The following KHDRBS2 variants were observed in gnomAD, a reference collection of about 807,000 sequenced individuals.
The protein encoded by KHDRBS2 is KH domain-containing, RNA-binding, signal transduction-associated protein 2.
A neutral mutation model predicts 44.3 loss-of-function variants in KHDRBS2; 26 were observed. The observed-to-expected ratio is 0.59, with a 90% CI of 0.43 to 0.81. The LOEUF (loss-of-function observed/expected upper bound fraction) is 0.81, where lower values mean the gene tolerates loss of function less well. Ranked by LOEUF, KHDRBS2 falls within the 40% of genes least tolerant of loss-of-function variation. The probability of loss-of-function intolerance (pLI) is 0.00; values close to 1 mark genes in which losing one functional copy is unlikely to be tolerated. For synonymous variants in KHDRBS2, 194 were observed against 151.1 expected (o/e 1.28, Z -2.08); for missense variants, 476 against 433.1 (o/e 1.10, Z -0.88).
Position 61,680,954 on chromosome 6 carries a change from G to T in KHDRBS2, c.*9C>A. 6.3e-7 allele frequency: 1 copy of T among 1,581,420 alleles called. No individual in the cohort carries two copies. Among genetic ancestry groups the T allele is most frequent in the Non-Finnish European group, 8.7e-7 (1 of 1,152,402 alleles). The stretch of plus-strand genomic sequence containing the variant: ...GTCTTTGAGGTGAGGTCACAGGTGG[G>T]AAGGACCTTCAATATCTACCATAGG... On this transcript the variant is annotated 3_prime_UTR_variant, in exon 9 of 9. Transcript: ENST00000281156.
At chr6:62,072,657 A>G (rs983499254) in intron 2 of KHDRBS2, among the ~76,000 whole-genome samples, 18 of 152,124 alleles carry the variant, frequency 1.2e-4, no homozygotes, top group Non-Finnish European at 2.4e-4. Context: ...TGATTTGCAT[A>G]TGTTGAACCA....
At chr6:62,000,846 T>C (rs1778103618) in intron 3 of KHDRBS2, among the ~76,000 whole-genome samples, 1 of 152,214 alleles carries the variant, frequency 6.6e-6, no homozygotes, top group African/African-American at 2.4e-5. Flanking sequence ...TGGAAAAGTA[T>C]GGTCCTTCAA....
In KHDRBS2 at chr6:62,285,975, C is replaced by A. The variant is rs375353000; in HGVS notation, c.-27G>T. 6.9e-5 allele frequency: 102 copies of A among 1,479,258 alleles called. No individual in the cohort carries two copies. The highest frequency in any genetic ancestry group is 9.4e-5 in the Non-Finnish European group (100 of 1,062,398). The allele number at this position is 1,479,258 out of a possible 1,614,324, so 91.6% of individuals were successfully genotyped here. A position where few individuals can be genotyped will look rare whatever the true frequency, so the allele number is the denominator to read the frequency against. ...GCGCGGACTTCGGATTGTCCCCGGG[C>A]GAAGCGCGAGGTTCCGCTCGCTCGG... is the stretch of plus-strand genomic sequence containing the variant. On this transcript the variant is annotated 5_prime_UTR_variant, in exon 1 of 9. Transcript: ENST00000281156.
chr6:61,823,486 G>T (rs1319628897), intron 6 of KHDRBS2, among the ~76,000 whole-genome samples: 1 of 152,048 alleles, frequency 6.6e-6, no homozygotes, highest in Non-Finnish European at 1.5e-5. Context: ...GATGGTTAAA[G>T]ACATAGTCTA....
intron 2 of KHDRBS2, among the ~76,000 whole-genome samples, chr6:62,092,593 A>G (rs1295455901): frequency 6.6e-6 from 1 of 152,168 alleles, no homozygotes. Context: ...GACTTAAGTA[A>G]AAATAATATT....
intron 6 of KHDRBS2, among the ~76,000 whole-genome samples, chr6:61,878,385 T>C (rs1430602298): frequency 6.6e-6 from 1 of 152,090 alleles, no homozygotes; most frequent in Non-Finnish European, 1.5e-5. Flanking sequence ...ACTTTGTTTT[T>C]ATATGTTCAC....
At chr6:62,073,409 A>G (rs1411478315) in intron 2 of KHDRBS2, among the ~76,000 whole-genome samples, 2 of 151,286 alleles carry the variant, frequency 1.3e-5, no homozygotes. Flanking sequence ...CTAATGTCCC[A>G]GTTTCATTTT....
At chr6:61,824,550 G>C (rs1790536197) in intron 6 of KHDRBS2, among the ~76,000 whole-genome samples, 1 of 152,096 alleles carries the variant, frequency 6.6e-6, no homozygotes, top group Admixed American at 6.6e-5. Flanking sequence ...CTTTATAGCA[G>C]TGTAATGGAC....
intron 4 of KHDRBS2, among the ~76,000 whole-genome samples, chr6:61,933,056 A>G (rs1355670152): frequency 6.6e-6 from 1 of 152,154 alleles, no homozygotes; most frequent in Non-Finnish European, 1.5e-5. Flanking sequence ...AATAAAAGAG[A>G]TTTAACTGGC....
the KHDRBS2 span, among the ~76,000 whole-genome samples, chr6:61,618,093 G>T: frequency 1.7e-4 from 26 of 152,016 alleles, no homozygotes; most frequent in Non-Finnish European, 2.9e-4. Flanking sequence ...CAATGTTTTT[G>T]TTGTTGTTGT....
At chr6:62,065,270 A>T (rs1793304317) in intron 2 of KHDRBS2, among the ~76,000 whole-genome samples, 1 of 152,204 alleles carries the variant, frequency 6.6e-6, no homozygotes, top group South Asian at 2.1e-4. Flanking sequence ...TGACCCAGCC[A>T]TTCCATTACT....
intron 8 of KHDRBS2, among the ~76,000 whole-genome samples, chr6:61,682,116 C>CATTT (rs1268833189): frequency 6.6e-6 from 1 of 151,872 alleles, no homozygotes; most frequent in Non-Finnish European, 1.5e-5. Context: ...TAATGTAGGG[C>CATTT]ATTTGCCCCC....
chr6:62,009,617 G>A (rs1415638635), intron 3 of KHDRBS2, among the ~76,000 whole-genome samples: 1 of 152,154 alleles, frequency 6.6e-6, no homozygotes, highest in African/African-American at 2.4e-5. Context: ...AAGTGGTTTT[G>A]TGGGCCAGGC....
At chr6:61,698,224 TG>T (rs1269635586) in intron 7 of KHDRBS2, among the ~76,000 whole-genome samples, 9 of 152,178 alleles carry the variant, frequency 5.9e-5, no homozygotes, top group Non-Finnish European at 1.3e-4. Context: ...TCCTCTTTCA[TG>T]GGTCTTCAAG....
chr6:61,783,455 A>G (rs1325652059), intron 6 of KHDRBS2, among the ~76,000 whole-genome samples: 1 of 152,134 alleles, frequency 6.6e-6, no homozygotes, highest in African/African-American at 2.4e-5. Flanking sequence ...CTAGCACTGC[A>G]TCTAGCATGT....
chr6:62,265,151 C>T (rs1490766244), intron 1 of KHDRBS2, among the ~76,000 whole-genome samples: 1 of 151,882 alleles, frequency 6.6e-6, no homozygotes, highest in South Asian at 2.1e-4. Flanking sequence ...CTAAAAGATG[C>T]AATGGGGACC....
At chr6:61,601,745 T>C in the KHDRBS2 span, among the ~76,000 whole-genome samples, 93,302 of 151,550 alleles carry the variant, frequency 0.62, 28,955 homozygotes, top group Non-Finnish European at 0.65. Flanking sequence ...CCCCAGGCTG[T>C]TCCTAGCCAG....
At chr6:61,686,513 C>T (rs751577506) in intron 8 of KHDRBS2, among the ~76,000 whole-genome samples, 9 of 151,670 alleles carry the variant, frequency 5.9e-5, no homozygotes, top group Non-Finnish European at 1.2e-4. Context: ...TGTTGCAACT[C>T]ACTATTATGA....
intron 6 of KHDRBS2, among the ~76,000 whole-genome samples, chr6:61,736,464 C>T (rs1186073768): frequency 6.6e-6 from 1 of 151,946 alleles, no homozygotes; most frequent in African/African-American, 2.4e-5. Flanking sequence ...CCAAGGGGTG[C>T]AAACTTCTTT....
Sources: allele counts gnomAD v4.1 joint callset (sites outside exome capture counted in the v4.1 genomes callset), GRCh38; gene constraint gnomAD v4.1.1; transcripts MANE v1.5; gene names NCBI Gene and HGNC (gene_info 2026-07-23, HGNC 2026-07-21).